Variants in LRBA observed in about 807,000 individuals in gnomAD.
The protein encoded by LRBA is lipopolysaccharide-responsive and beige-like anchor protein.
Under a neutral mutation model 330.0 loss-of-function variants are expected in LRBA, and 176 were observed. That is an observed-to-expected ratio of 0.53 (90% CI 0.47 to 0.60). LRBA has a LOEUF of 0.60. LRBA is among the 20% of genes least tolerant of loss of function. LRBA has a pLI of 0.00. For missense variants in LRBA, 3,259 were observed against 3,444.8 expected, an observed-to-expected ratio of 0.95 and a Z score of 1.35; for synonymous variants, 1,230 against 1,193.0, an observed-to-expected ratio of 1.03 and a Z score of -0.64.
intron 48 of LRBA, among the ~76,000 whole-genome samples, chr4:150,340,336 T>C (rs192217464): frequency 6.8e-4 from 104 of 152,336 alleles, no homozygotes; most frequent in African/African-American, 2.5e-3. Flanking sequence ...TAATAATTGA[T>C]ACAGATTGCT....
chr4:150,915,454 TA>T (rs1732482097), intron 8 of LRBA, among the ~76,000 whole-genome samples, 153 bp downstream of exon 8: 2 of 152,184 alleles, frequency 1.3e-5, no homozygotes, highest in South Asian at 4.1e-4. Context: ...AGTGACATAT[TA>T]AGTTCTATTA....
At chr4:150,956,056 A>T (rs1403429034) in intron 2 of LRBA, among the ~76,000 whole-genome samples, 1 of 149,216 alleles carries the variant, frequency 6.7e-6, no homozygotes, top group Non-Finnish European at 1.5e-5. Flanking sequence ...TGGTATTTTT[A>T]AAAATAAAAT....
intron 34 of LRBA, among the ~76,000 whole-genome samples, chr4:150,785,637 A>G (rs1190671200): frequency 6.6e-6 from 1 of 151,684 alleles, no homozygotes; most frequent in Non-Finnish European, 1.5e-5. Context: ...TAATTTTGCA[A>G]AGGAGGTTTC....
Position 150,963,273 on chromosome 4 carries a change from T to C in LRBA, c.217-34208A>G, listed in dbSNP as rs1003628931. 3.4e-5 allele frequency among the ~76,000 whole-genome samples: 5 copies of C among 148,800 alleles called. 1 individual carries two copies. The highest frequency in any genetic ancestry group is 1.3e-4 in the African/African-American group (5 of 38,298). ...CTGTACTGCTGCCATCTTGGCTCAC[T>C]GCAGCCTCCCTGCCTGATTCTCCTG... On this transcript the variant is annotated intron_variant, in intron 2 of 56. Transcript: ENST00000651943.
chr4:150,828,920 G>GGT (rs1459221417), intron 29 of LRBA, among the ~76,000 whole-genome samples: 6 of 53,236 alleles, frequency 1.1e-4, no homozygotes, highest in Admixed American at 4.4e-4. Context: ...ATCTTTTTTG[G>GGT]GGGTGTGTGT....
intron 37 of LRBA, among the ~76,000 whole-genome samples, chr4:150,661,599 T>C (rs1781110685): frequency 6.6e-6 from 1 of 151,598 alleles, no homozygotes. Context: ...CTTAAAACAG[T>C]GCATCATGTT....
At chr4:150,422,298 G>C (rs182464896) in intron 46 of LRBA, among the ~76,000 whole-genome samples, 3 of 152,190 alleles carry the variant, frequency 2.0e-5, no homozygotes, top group Non-Finnish European at 4.4e-5. Flanking sequence ...CATCTGCAAA[G>C]CCATGTTGGG....
chr4:150,928,572 T>C lies in LRBA; in HGVS notation c.493A>G (p.Thr165Ala). 4 of 1,613,882 alleles carry C rather than the reference T, an allele frequency of 2.5e-6. No individual in the cohort carries two copies. The change falls in exon 4 of 57, where the codon ACA (threonine) becomes GCA (alanine). Residue 165 changes from threonine (T) to alanine (A), a missense_variant. Coordinates refer to ENST00000651943, the MANE Select transcript of LRBA (RefSeq NM_001364905.1). ...AAGAAAAGCTTTAGCTCGCGAACTG[T>C]CAAATTATAGCTAGCCAGCACTCCC... ...MLGVLASYNL[T>A]VRELKLFFSK...
chr4:150,810,999 GGC>G lies in LRBA; in HGVS notation c.5306-2603_5306-2602del, dbSNP rs557490013. ...TTCACAATAAAATTTCAAATTAGAG[GGC>G]AAGACCAGGGAAGTTCAAAAACATT... On this transcript the variant is annotated intron_variant, in intron 31 of 56. Coordinates refer to ENST00000651943, the MANE Select transcript of LRBA (RefSeq NM_001364905.1). 3.4e-4 allele frequency among the ~76,000 whole-genome samples: 52 copies of G among 152,080 alleles called. No homozygotes were observed. The South Asian group carries it at 0.01, about 30-fold the overall frequency.
rs537530179 is a variant in LRBA at position 150,850,829 on chromosome 4, C to A, written c.3899G>T (p.Arg1300Ile). The A allele has an allele frequency of 1.2e-4, 187 of 1,613,964 alleles. 2 individuals are homozygous for A. The South Asian group carries it at 1.9e-3, about 17-fold the overall frequency. ...CTCAGGAATACGAAACACAGTAGAT[C>A]TGGAATCCCTCCTTTGTCCATTAAC... Reference protein sequence around the residue: ...DAVNGQRRDSRSTVFRIPEFN... With the variant: ...DAVNGQRRDSISTVFRIPEFN... The change falls in exon 24 of 57, where the codon AGA becomes ATA. Residue 1300 changes from arginine (R) to isoleucine (I), a missense_variant. Coordinates refer to ENST00000651943, the MANE Select transcript of LRBA (RefSeq NM_001364905.1).
intron 40 of LRBA, among the ~76,000 whole-genome samples, chr4:150,499,291 T>C (rs1404982404): frequency 3.9e-5 from 6 of 152,230 alleles, no homozygotes; most frequent in Non-Finnish European, 7.3e-5. Flanking sequence ...ATATTCCCAA[T>C]TACTTCTCAA....
chr4:150,337,810 G>A (rs140906638), intron 48 of LRBA, among the ~76,000 whole-genome samples: 15 of 152,038 alleles, frequency 9.9e-5, no homozygotes, highest in Non-Finnish European at 1.6e-4. Context: ...AGATTCTTGC[G>A]CCACCTGCTT....
At chr4:150,506,095 A>G (rs1761035305) in intron 40 of LRBA, among the ~76,000 whole-genome samples, 1 of 152,212 alleles carries the variant, frequency 6.6e-6, no homozygotes, top group South Asian at 2.1e-4. Flanking sequence ...ATAGCTTACC[A>G]ACCAAAAAAA....
intron 17 of LRBA, among the ~76,000 whole-genome samples, chr4:150,888,950 T>C (rs867118561): frequency 2.6e-5 from 4 of 152,042 alleles, no homozygotes; most frequent in South Asian, 2.1e-4. Context: ...GAGACAGAGA[T>C]TGATTTCAAG....
intron 48 of LRBA, among the ~76,000 whole-genome samples, chr4:150,346,176 G>A (rs1265358437): frequency 1.3e-5 from 2 of 152,048 alleles, no homozygotes; most frequent in African/African-American, 2.4e-5. Flanking sequence ...ATAGTGCTAA[G>A]TAACAAAGCG....
intron 40 of LRBA, chr4:150,582,276 A>T (rs1365914137): frequency 6.6e-6 from 1 of 152,162 alleles, no homozygotes; most frequent in South Asian, 2.1e-4. Context: ...AAACACAAGG[A>T]GAACCCACTA....
Position 150,916,757 on chromosome 4 carries a change from G to A in LRBA, c.646-19C>T. ...CAATAGCCTAAAGGAAAGAAACTTT[G>A]AGTTATTAACTCACGTGAAAACCTG... is the stretch of plus-strand genomic sequence containing the variant. On this transcript the variant is annotated intron_variant, in intron 5 of 56. Transcript: ENST00000651943. The A allele has an allele frequency of 6.6e-7, 1 of 1,517,488 alleles. No individual in the cohort carries two copies. Among genetic ancestry groups the A allele is most frequent in the Admixed American group, 2.3e-5 (1 of 42,854 alleles). The allele number at this position is 1,517,488 out of a possible 1,614,324, so 94.0% of individuals were successfully genotyped here.
At chr4:150,348,154 A>T (rs13130871) in intron 48 of LRBA, among the ~76,000 whole-genome samples, 51,920 of 152,032 alleles carry the variant, frequency 0.34, 9,134 homozygotes, top group Middle Eastern at 0.4. Flanking sequence ...TTCCTTAAAC[A>T]ATCATTGGTG....
chr4:150,910,009 A>G (rs1210826681), intron 9 of LRBA, among the ~76,000 whole-genome samples: 4 of 151,770 alleles, frequency 2.6e-5, no homozygotes, highest in African/African-American at 9.7e-5. Context: ...TTGTTTTGTT[A>G]TTGTTGTTGT....
Sources: allele counts gnomAD v4.1 joint callset (sites outside exome capture counted in the v4.1 genomes callset), GRCh38; gene constraint gnomAD v4.1.1; transcripts MANE v1.5; gene names NCBI Gene and HGNC (gene_info 2026-07-23, HGNC 2026-07-21).